The following CNTN5 variants were observed in gnomAD, a reference collection of about 807,000 sequenced individuals.
The protein encoded by CNTN5 is contactin 5, also known as contactin-5.
In CNTN5, 77 loss-of-function variants were observed where a neutral mutation model predicts 129.1. The observed-to-expected ratio is 0.60, with a 90% confidence interval of 0.50 to 0.72. CNTN5 has a LOEUF of 0.72. CNTN5 is among the 30% of genes least tolerant of loss of function. The probability of loss-of-function intolerance (pLI) is 0.00; values close to 1 mark genes in which losing one functional copy is unlikely to be tolerated. For missense variants in CNTN5, 1,478 were observed against 1,328.8 expected (o/e 1.11, Z -1.75); for synonymous variants, 509 against 465.6 (o/e 1.09, Z -1.20).
chr11:100,308,344 T>C lies in CNTN5; in HGVS notation c.2621-15T>C. Reference sequence around the variant, plus strand: ...ATAAACTTTTTATAATTGTGGTTTATTTTCCTTCATACAGAACCCAGTGCT... The same window carrying C: ...ATAAACTTTTTATAATTGTGGTTTACTTTCCTTCATACAGAACCCAGTGCT... On this transcript the variant is annotated splice_polypyrimidine_tract_variant and intron_variant, in intron 20 of 24. Transcript: ENST00000524871. 6.2e-7 allele frequency: 1 copy of C among 1,602,042 alleles called. No homozygotes were observed. Among genetic ancestry groups the C allele is most frequent in the Non-Finnish European group, 8.5e-7 (1 of 1,174,866 alleles).
chr11:99,321,762 T>A, intron 1 of CNTN5, among the ~76,000 whole-genome samples: 1 of 152,194 alleles, frequency 6.6e-6, no homozygotes, highest in East Asian at 1.9e-4. Context: ...GTGGGTGATC[T>A]CAGTGTAGCG....
At chr11:100,223,362 T>C (rs1037596710) in intron 15 of CNTN5, among the ~76,000 whole-genome samples, 4 of 152,102 alleles carry the variant, frequency 2.6e-5, no homozygotes, top group Non-Finnish European at 5.9e-5. Context: ...ATCTAAAACA[T>C]AGTATATAGT....
intron 18 of CNTN5, among the ~76,000 whole-genome samples, chr11:100,272,294 C>A (rs1950421025): frequency 6.6e-6 from 1 of 152,136 alleles, no homozygotes; most frequent in South Asian, 2.1e-4. Flanking sequence ...TCCCCCTACA[C>A]ACACCAGTAC....
chr11:99,536,028 A>G (rs1947887885), intron 2 of CNTN5, among the ~76,000 whole-genome samples: 1 of 152,190 alleles, frequency 6.6e-6, no homozygotes, highest in East Asian at 1.9e-4. Flanking sequence ...TTAATAGGTC[A>G]GATGATATGT....
At chr11:99,998,126 T>C (rs960331407) in intron 8 of CNTN5, among the ~76,000 whole-genome samples, 1 of 151,614 alleles carries the variant, frequency 6.6e-6, no homozygotes, top group Non-Finnish European at 1.5e-5. Context: ...ACCACTCCTA[T>C]TCAACAGAGT....
chr11:99,409,748 A>T (rs1044289397), intron 2 of CNTN5, among the ~76,000 whole-genome samples: 1 of 152,246 alleles, frequency 6.6e-6, no homozygotes, highest in African/African-American at 2.4e-5. Flanking sequence ...CATTGCAGCC[A>T]TCAAGTGTGG....
chr11:100,273,520 G>T (rs1042082480), intron 18 of CNTN5, among the ~76,000 whole-genome samples: 2 of 152,028 alleles, frequency 1.3e-5, no homozygotes, highest in Non-Finnish European at 2.9e-5. Context: ...AGATGACAGC[G>T]GATCCTCCCC....
intron 3 of CNTN5, among the ~76,000 whole-genome samples, chr11:99,776,438 A>C (rs951641977): frequency 6.6e-6 from 1 of 151,290 alleles, no homozygotes; most frequent in African/African-American, 2.4e-5. Context: ...ATCATTATCA[A>C]TTTTTTTTTA....
chr11:99,882,556 TA>T (rs1394243290), intron 6 of CNTN5, among the ~76,000 whole-genome samples: 1 of 152,180 alleles, frequency 6.6e-6, no homozygotes, highest in East Asian at 1.9e-4. Flanking sequence ...ACTCATTTTT[TA>T]TTTTTTTAAT....
At chr11:99,337,244 A>C (rs1274380293) in intron 2 of CNTN5, among the ~76,000 whole-genome samples, 2 of 152,202 alleles carry the variant, frequency 1.3e-5, no homozygotes, top group Non-Finnish European at 2.9e-5. Context: ...AATAGTGCAG[A>C]GACCAGCTCG....
At chr11:99,907,247 CT>C (rs1565663664) in intron 6 of CNTN5, among the ~76,000 whole-genome samples, 1 of 151,824 alleles carries the variant, frequency 6.6e-6, no homozygotes. Flanking sequence ...CAGCTTTCTC[CT>C]GTGGGCATTT....
At chr11:99,787,278 T>C (rs1447433631) in intron 3 of CNTN5, among the ~76,000 whole-genome samples, 1 of 151,592 alleles carries the variant, frequency 6.6e-6, no homozygotes, top group Admixed American at 6.6e-5. Flanking sequence ...GAATGTGTTA[T>C]ATTTAACCAA....
At chr11:99,263,280 G>A (rs1862730379) in intron 1 of CNTN5, among the ~76,000 whole-genome samples, 1 of 151,950 alleles carries the variant, frequency 6.6e-6, no homozygotes, top group South Asian at 2.1e-4. Context: ...TTTTATCCCG[G>A]AGAAAAAACT....
chr11:99,711,323 T>C (rs1954978167), intron 3 of CNTN5, among the ~76,000 whole-genome samples: 1 of 151,902 alleles, frequency 6.6e-6, no homozygotes, highest in Admixed American at 6.6e-5. Context: ...TGGTGATGTT[T>C]TTGGTGATTG....
intron 2 of CNTN5, among the ~76,000 whole-genome samples, chr11:99,508,188 G>A (rs928562761): frequency 2.6e-5 from 4 of 152,054 alleles, no homozygotes; most frequent in African/African-American, 7.2e-5. Context: ...TAGTGATCTC[G>A]CTGAGCCACT....
chr11:100,098,711 G>T (rs1024734053), intron 13 of CNTN5, among the ~76,000 whole-genome samples: 3 of 152,158 alleles, frequency 2.0e-5, no homozygotes, highest in South Asian at 2.1e-4. Context: ...CCAGCAAAAT[G>T]GTTATTCTCC....
chr11:100,266,487 C>G (rs1310244814), intron 17 of CNTN5, among the ~76,000 whole-genome samples: 1 of 152,036 alleles, frequency 6.6e-6, no homozygotes. Context: ...CATTTCAAAT[C>G]AAAACCCTAA....
intron 3 of CNTN5, among the ~76,000 whole-genome samples, chr11:99,791,226 T>C (rs1945731196): frequency 1.3e-5 from 2 of 152,098 alleles, no homozygotes. Flanking sequence ...TCCATTCTTA[T>C]GTTCAGCATG....
In CNTN5 at chr11:99,975,385, T is replaced by C. The variant is rs190357919; in HGVS notation, c.877+18376T>C. Among the ~76,000 whole-genome samples, 33 of 152,280 alleles carry C rather than the reference T, an allele frequency of 2.2e-4. No individual in the cohort carries two copies. In the East Asian group the frequency reaches 5.4e-3, roughly 25 times the overall value. ...TTCTCCCTTTTGGAAAGGGAGCATT[T>C]ACCCAGTGCCTGTACCCATATTGTG... On this transcript the variant is annotated intron_variant, in intron 8 of 24. Transcript: ENST00000524871.
Sources: allele counts gnomAD v4.1 joint callset (sites outside exome capture counted in the v4.1 genomes callset), GRCh38; gene constraint gnomAD v4.1.1; transcripts MANE v1.5; gene names NCBI Gene and HGNC (gene_info 2026-07-23, HGNC 2026-07-21).